The following UTP20 variants were observed in gnomAD, a reference collection of about 807,000 sequenced individuals.
The protein encoded by UTP20 is UTP20 small subunit processome component, also known as small subunit processome component 20 homolog.
A neutral mutation model predicts 329.5 loss-of-function variants in UTP20; 164 were observed. That is an observed-to-expected ratio of 0.50 (90% CI 0.44 to 0.57). The LOEUF is 0.57. UTP20 is among the 20% of genes least tolerant of loss of function. The probability of loss-of-function intolerance (pLI) is 0.00; values close to 1 mark genes in which losing one functional copy is unlikely to be tolerated. For synonymous variants in UTP20, 1,151 were observed against 1,159.3 expected (o/e 0.99, Z 0.14); for missense variants, 3,055 against 3,284.2 (o/e 0.93, Z 1.71).
rs1869174734 is a variant in UTP20 at position 101,342,554 on chromosome 12, A to G, written c.4210A>G (p.Lys1404Glu). Residue 1404 changes from lysine to glutamate, a missense_variant, in exon 33 of 62, where the codon AAA becomes GAA. Physicochemically the swap from Lys to Glu is moderately conservative, Grantham distance 56 (BLOSUM62 1). Transcript: ENST00000261637. ...AAAACTTTTCTCAGTTATTAAGAAC[A>G]AATTGTCAAGAAAATTGCTTTGTAC... ...IAKLFSVIKN[K>E]LSRKLLCTVF... 1.2e-6 allele frequency: 2 copies of G among 1,613,518 alleles called. No individual in the cohort carries two copies. Among genetic ancestry groups the G allele is most frequent in the Admixed American group, 1.7e-5 (1 of 59,898 alleles).
chr12:101,362,423 G>A (rs762891467), intron 44 of UTP20, among the ~76,000 whole-genome samples: 2 of 152,156 alleles, frequency 1.3e-5, no homozygotes, highest in Admixed American at 6.5e-5. Flanking sequence ...TTAAAATTGG[G>A]CCAGGCACTG....
intron 38 of UTP20, among the ~76,000 whole-genome samples, chr12:101,348,739 GTTTTTTTTTT>G (rs35417344): frequency 1.0e-5 from 1 of 97,318 alleles, no homozygotes; most frequent in African/African-American, 4.1e-5. Flanking sequence ...GTTTTTGGTG[GTTTTTTTTTT>G]TTTTTTTTTG....
chr12:101,324,155 A>G (rs940506989), intron 25 of UTP20, among the ~76,000 whole-genome samples: 21 of 122,996 alleles, frequency 1.7e-4, no homozygotes, highest in African/African-American at 5.7e-4. Flanking sequence ...AAAAAAATAA[A>G]TAAATAAATA....
chr12:101,348,860 G>A (rs558899869), intron 38 of UTP20, among the ~76,000 whole-genome samples: 376 of 150,620 alleles, frequency 2.5e-3, no homozygotes, highest in Non-Finnish European at 4.2e-3. Context: ...ACAGGCATGA[G>A]CCACTGTGCC....
At chr12:101,368,885 C>G (rs138011236) in intron 48 of UTP20, among the ~76,000 whole-genome samples, 1 of 150,980 alleles carries the variant, frequency 6.6e-6, no homozygotes, top group East Asian at 1.9e-4. Context: ...GACTCCCAAG[C>G]TCGCTCTTCT....
chr12:101,314,853 C>A (rs1270072868), intron 21 of UTP20, among the ~76,000 whole-genome samples: 1 of 152,042 alleles, frequency 6.6e-6, no homozygotes, highest in Non-Finnish European at 1.5e-5. Flanking sequence ...ATAATCCCAG[C>A]ACTTTGAGAG....
At chr12:101,332,934 T>G (rs1296662329) in intron 27 of UTP20, among the ~76,000 whole-genome samples, 1 of 152,192 alleles carries the variant, frequency 6.6e-6, no homozygotes, top group Non-Finnish European at 1.5e-5. Flanking sequence ...GAAAAAAATT[T>G]TAAAAAAAAG....
chr12:101,353,771 A>T (rs1202645953), intron 40 of UTP20, among the ~76,000 whole-genome samples: 1 of 152,248 alleles, frequency 6.6e-6, no homozygotes, highest in African/African-American at 2.4e-5. Context: ...GACAAGATTG[A>T]TCTGTAAAAA....
chr12:101,339,339 TA>T (rs1565798024), intron 31 of UTP20, among the ~76,000 whole-genome samples: 3 of 147,464 alleles, frequency 2.0e-5, no homozygotes, highest in Non-Finnish European at 3.1e-5. Context: ...AAAATAAATT[TA>T]AAAAAAATTA....
At chr12:101,357,510 G>A (rs1869761875) in intron 43 of UTP20, among the ~76,000 whole-genome samples, 1 of 152,212 alleles carries the variant, frequency 6.6e-6, no homozygotes, top group Admixed American at 6.5e-5. Context: ...CAGCACTTTA[G>A]GAGGCCAAGA....
intron 12 of UTP20, 37 bp downstream of exon 12, chr12:101,295,695 G>C (rs980215308): frequency 1.3e-6 from 2 of 1,537,980 alleles, no homozygotes; most frequent in African/African-American, 1.4e-5. Context: ...ATGATGATAA[G>C]TTTACCCATT....
chr12:101,299,519 C>T (rs1478185468), intron 12 of UTP20, among the ~76,000 whole-genome samples, 163 bp from the exon 13 acceptor site: 1 of 152,172 alleles, frequency 6.6e-6, no homozygotes, highest in Non-Finnish European at 1.5e-5. Flanking sequence ...AAGCTTCTCA[C>T]TGAAAACTCA....
At chr12:101,320,176 T>C (rs1873103308) in intron 23 of UTP20, among the ~76,000 whole-genome samples, 1 of 152,246 alleles carries the variant, frequency 6.6e-6, no homozygotes, top group Admixed American at 6.5e-5. Context: ...TGGCATCTTA[T>C]TGACTATCAT....
intron 38 of UTP20, among the ~76,000 whole-genome samples, chr12:101,350,613 A>C (rs1173795057): frequency 6.6e-6 from 1 of 152,146 alleles, no homozygotes; most frequent in African/African-American, 2.4e-5. Context: ...AAGCTCTCTT[A>C]GGGCAGGAGC....
Position 101,285,740 on chromosome 12 carries a change from C to T in UTP20, c.194-9C>T. 6.2e-7 allele frequency: 1 copy of T among 1,608,458 alleles called. No homozygotes were observed. The highest frequency in any genetic ancestry group is 8.5e-7 in the Non-Finnish European group (1 of 1,178,308). ...TAGAAAAGAACATATTTTTTTTTCC[C>T]CCACTCAGGAAAATTTTACAAAGAA... On this transcript the variant is annotated splice_polypyrimidine_tract_variant and intron_variant, in intron 3 of 61. Coordinates refer to ENST00000261637, the MANE Select transcript of UTP20 (RefSeq NM_014503.3).
chr12:101,324,901 G>A (rs1338438870), intron 25 of UTP20, among the ~76,000 whole-genome samples: 2 of 151,788 alleles, frequency 1.3e-5, no homozygotes, highest in Non-Finnish European at 2.9e-5. Flanking sequence ...TCTTGTAGAG[G>A]GAATTTTCCA....
In UTP20 at chr12:101,321,680, A is replaced by G. The variant is rs762091974; in HGVS notation, c.3041+51A>G. On this transcript the variant is annotated intron_variant, in intron 25 of 61. Coordinates refer to ENST00000261637, the MANE Select transcript of UTP20 (RefSeq NM_014503.3). ...TTTTAAAAAGTTAATAACAAACACA[A>G]TTGTGAGTACAGTATTATGGTTCTT... The G allele has an allele frequency of 3.1e-6, 5 of 1,588,342 alleles. No homozygotes were observed. In the African/African-American group the frequency reaches 4.0e-5, roughly 13 times the overall value.
Position 101,338,124 on chromosome 12 carries a change from C to A in UTP20, c.3715C>A (p.Leu1239Ile), listed in dbSNP as rs185536134. Reference sequence around the variant, plus strand: ...TATCCTGACCAATGTTTTTGCAATTCTCTCAGCGAAGAATCTTTCTGATGC... The same window carrying A: ...TATCCTGACCAATGTTTTTGCAATTATCTCAGCGAAGAATCTTTCTGATGC... ...CDILTNVFAI[L>I]SAKNLSDATA... Residue 1239 changes from leucine to isoleucine, a missense_variant, in exon 30 of 62, where the codon CTC (leucine) becomes ATC (isoleucine). Physicochemically the swap from Leu to Ile is conservative, Grantham distance 5. This residue lies in a region of UTP20 where 2,445 missense variants were observed against 2,575.5 expected (regional missense o/e 0.95). Coordinates refer to ENST00000261637, the MANE Select transcript of UTP20 (RefSeq NM_014503.3). The A allele has an allele frequency of 8.4e-5, 135 of 1,614,170 alleles. No homozygotes were observed. The highest frequency in any genetic ancestry group is 1.1e-4 in the Non-Finnish European group (128 of 1,180,020).
chr12:101,291,627 T>C, intron 8 of UTP20, 115 bp from the exon 9 acceptor site: 1 of 1,148,964 alleles, frequency 8.7e-7, no homozygotes, highest in Non-Finnish European at 1.2e-6. Flanking sequence ...TAAATGTATC[T>C]TTTTCTTCCA....
Sources: allele counts gnomAD v4.1 joint callset (sites outside exome capture counted in the v4.1 genomes callset), GRCh38; gene constraint gnomAD v4.1.1; regional missense constraint gnomAD v4.1.1; transcripts MANE v1.5; gene names NCBI Gene and HGNC (gene_info 2026-07-23, HGNC 2026-07-21).